The following BDNF variants were observed in gnomAD, a reference collection of about 807,000 sequenced individuals.
The protein encoded by BDNF is neurotrophic factor BDNF precursor form.
BDNF carries 1 observed loss-of-function variant against 19.5 expected under a neutral mutation model. The ratio of observed to expected loss-of-function variants is 0.05; its 90% CI spans 0.02 to 0.24. The LOEUF (loss-of-function observed/expected upper bound fraction) is 0.24, where lower values mean the gene tolerates loss of function less well. Among genes scored for constraint, BDNF ranks in the 10% least tolerant of loss-of-function variants. BDNF has a pLI of 1.00. For missense variants in BDNF, 195 were observed against 317.6 expected (o/e 0.61, Z 2.93); for synonymous variants, 100 against 121.6 (o/e 0.82, Z 1.17).
intron 1 of BDNF, among the ~76,000 whole-genome samples, chr11:27,670,749 C>T (rs553182966): frequency 5.5e-4 from 83 of 151,772 alleles, no homozygotes; most frequent in Non-Finnish European, 9.4e-4. Context: ...CATTAAAGTC[C>T]GGAAACAACA....
At chr11:27,673,103 C>T (rs141229572) in intron 1 of BDNF, among the ~76,000 whole-genome samples, 1 of 152,106 alleles carries the variant, frequency 6.6e-6, no homozygotes, top group Admixed American at 6.6e-5. Context: ...TTCAGCCCCA[C>T]ATTTAAAAGT....
At chr11:27,667,650 A>G (rs1187997568) in intron 1 of BDNF, among the ~76,000 whole-genome samples, 1 of 152,226 alleles carries the variant, frequency 6.6e-6, no homozygotes, top group Non-Finnish European at 1.5e-5. Flanking sequence ...TTAAACCAAC[A>G]AAGATCAAAA....
chr11:27,701,076 C>A, upstream of BDNF: 1 of 1,336,684 alleles, frequency 7.5e-7, no homozygotes, highest in South Asian at 1.2e-5. Context: ...AACACGCCGG[C>A]TTAAACAGAG....
intron 1 of BDNF, among the ~76,000 whole-genome samples, chr11:27,689,800 A>G (rs1188330321): frequency 3.9e-5 from 6 of 152,134 alleles, no homozygotes; most frequent in Non-Finnish European, 8.8e-5. Context: ...TGCTGCACCT[A>G]TCAACCCATC....
chr11:27,697,348 T>C (rs973998521), intron 1 of BDNF: 2 of 152,234 alleles, frequency 1.3e-5, no homozygotes, highest in African/African-American at 4.8e-5. Context: ...ATTTTGACTA[T>C]TGAAAAGCTG....
In BDNF at chr11:27,655,305, A is replaced by C. The variant is rs1852422870; in HGVS notation, c.*2516T>G. 1 of 152,650 alleles carries C rather than the reference A, an allele frequency of 6.6e-6. No individual in the cohort carries two copies. Among genetic ancestry groups the C allele is most frequent in the Non-Finnish European group, 1.5e-5 (1 of 68,042 alleles). The allele number at this position is 152,650 out of a possible 1,614,324, so 9.5% of individuals were successfully genotyped here. On this transcript the variant is annotated 3_prime_UTR_variant, in exon 2 of 2. Coordinates refer to ENST00000356660, the MANE Select transcript of BDNF (RefSeq NM_001709.5). ...TTTTAACAAAATAAATCTTAGGTCA[A>C]CATAAACCATCAAGCATGTGACTGT...
chr11:27,719,390 ACCGCCTCCAG>A, intron 1 of BDNF: 1 of 897,716 alleles, frequency 1.1e-6, no homozygotes, highest in Non-Finnish European at 1.3e-6. Flanking sequence ...GTTCTTCTCC[ACCGCCTCCAG>A]CCGCCCAGGC....
chr11:27,703,031 A>G (rs1415020254), upstream of BDNF, among the ~76,000 whole-genome samples: 1 of 152,246 alleles, frequency 6.6e-6, no homozygotes, highest in Non-Finnish European at 1.5e-5. Context: ...AGTGTCACAC[A>G]TTTAGCTTTG....
chr11:27,699,722 C>T (rs142933235), intron 1 of BDNF: 2 of 1,374,318 alleles, frequency 1.5e-6, no homozygotes, highest in Non-Finnish European at 1.9e-6. Flanking sequence ...CCCACTCCCC[C>T]CGCAAGTCGG....
intron 1 of BDNF, among the ~76,000 whole-genome samples, chr11:27,691,843 T>G (rs1405002523): frequency 6.6e-6 from 1 of 152,340 alleles, no homozygotes; most frequent in Non-Finnish European, 1.5e-5. Flanking sequence ...AGAGAAACTC[T>G]TTGGAAAACT....
chr11:27,710,136 G>T (rs922667520), intron 1 of BDNF, among the ~76,000 whole-genome samples: 2 of 152,178 alleles, frequency 1.3e-5, no homozygotes, highest in African/African-American at 4.8e-5. Context: ...TCCATTATGT[G>T]TTCATGGGGT....
chr11:27,682,106 C>T (rs766390903), intron 1 of BDNF, among the ~76,000 whole-genome samples: 3 of 152,118 alleles, frequency 2.0e-5, no homozygotes, highest in Admixed American at 6.6e-5. Context: ...TCTAGCCACG[C>T]TCTAATGCAA....
chr11:27,682,966 T>C (rs1485948317), intron 1 of BDNF, among the ~76,000 whole-genome samples: 5 of 152,220 alleles, frequency 3.3e-5, no homozygotes. Context: ...TGGTTCTAGA[T>C]CCTTGAGGAA....
chr11:27,658,333 G>A lies in BDNF; in HGVS notation c.232C>T (p.Arg78Trp), dbSNP rs1349681470. 10 of 1,614,020 alleles carry A rather than the reference G, an allele frequency of 6.2e-6. No individual in the cohort carries two copies. Among genetic ancestry groups the A allele is most frequent in the South Asian group, 3.3e-5 (3 of 91,078 alleles). The stretch of plus-strand genomic sequence containing the variant: ...TCCTTATTGTTTTCTTCATTGGGCC[G>A]AACTTTCTGGTCCTCATCCAACAGC... ...EELLDEDQKVRPNEENNKDAD... is the reference protein window; with the variant it reads ...EELLDEDQKVWPNEENNKDAD... The change falls in exon 2 of 2, where the codon CGG becomes TGG. Residue 78 changes from arginine to tryptophan, a missense_variant. Coordinates refer to ENST00000356660, the MANE Select transcript of BDNF (RefSeq NM_001709.5). The surrounding 1 kb of genome is among the most constrained non-coding windows in gnomAD (Gnocchi z 5.7).
intron 1 of BDNF, among the ~76,000 whole-genome samples, chr11:27,687,092 C>G (rs988548966): frequency 1.3e-5 from 2 of 152,060 alleles, no homozygotes; most frequent in Non-Finnish European, 2.9e-5. Context: ...TTCTTGGAGG[C>G]TTTGTTCCTT....
At chr11:27,660,197 T>C in intron 1 of BDNF, 1 of 1,210,362 alleles carries the variant, frequency 8.3e-7, no homozygotes, top group Middle Eastern at 2.3e-4. Flanking sequence ...CTGAAAACTC[T>C]GGTATTGAAA....
At chr11:27,712,935 T>C (rs796654084) in intron 1 of BDNF, among the ~76,000 whole-genome samples, 60 of 148,100 alleles carry the variant, frequency 4.1e-4, no homozygotes, top group African/African-American at 1.2e-3. Context: ...TTCTTTTTTT[T>C]TTTTTTTTTT....
chr11:27,719,260 G>T (rs1407248512), intron 1 of BDNF, among the ~76,000 whole-genome samples: 4 of 152,220 alleles, frequency 2.6e-5, no homozygotes, highest in African/African-American at 4.8e-5. Flanking sequence ...GGCGGCGGCG[G>T]CTCAGCGACT....
intron 1 of BDNF, among the ~76,000 whole-genome samples, chr11:27,682,525 A>G (rs945130663): frequency 5.3e-5 from 8 of 151,986 alleles, no homozygotes; most frequent in East Asian, 1.9e-4. Context: ...TGTCATCTAC[A>G]TTAGGTATTT....
Sources: gnomAD v4.1 joint callset for allele counts (sites outside exome capture counted in the v4.1 genomes callset) on GRCh38, gnomAD v4.1.1 for gene constraint, Gnocchi (gnomAD v3.1) non-coding constraint, MANE v1.5 for transcripts, NCBI Gene and HGNC (gene_info 2026-07-23, HGNC 2026-07-21) for gene names.